Variants in SLC24A3 observed in about 807,000 individuals in gnomAD.
SLC24A3 encodes solute carrier family 24 member 3.
SLC24A3 carries 28 observed loss-of-function variants against 75.8 expected under a neutral mutation model. The observed-to-expected ratio is 0.37, with a 90% CI of 0.27 to 0.51. The LOEUF (loss-of-function observed/expected upper bound fraction) is 0.51. Ranked by LOEUF, SLC24A3 falls within the 20% of genes least tolerant of loss-of-function variation. The pLI is 0.94. For missense variants in SLC24A3, 663 were observed against 847.8 expected (o/e 0.78, Z 2.71); for synonymous variants, 372 against 334.1 (o/e 1.11, Z -1.24).
intron 2 of SLC24A3, among the ~76,000 whole-genome samples, chr20:19,349,757 A>G (rs1156616607): frequency 1.3e-5 from 2 of 152,054 alleles, no homozygotes; most frequent in Non-Finnish European, 2.9e-5. Context: ...TTCTCCTCAC[A>G]TGTATCTTTG....
intron 3 of SLC24A3, among the ~76,000 whole-genome samples, chr20:19,534,409 T>TTTTG (rs2030358592): frequency 1.9e-4 from 2 of 10,764 alleles, no homozygotes; most frequent in Non-Finnish European, 2.9e-4. Context: ...TGTTGTTGTT[T>TTTTG]TTTTGTTTTG....
At chr20:19,591,193 T>C (rs2031371716) in intron 6 of SLC24A3, among the ~76,000 whole-genome samples, 1 of 152,212 alleles carries the variant, frequency 6.6e-6, no homozygotes, top group Non-Finnish European at 1.5e-5. Context: ...CCCAGATCTC[T>C]GTGTTAGCTT....
At chr20:19,227,331 T>A (rs940769684) in intron 1 of SLC24A3, among the ~76,000 whole-genome samples, 2 of 152,260 alleles carry the variant, frequency 1.3e-5, no homozygotes, top group Admixed American at 6.5e-5. Flanking sequence ...TTTTTCTTAA[T>A]GTTTTGTAAG....
At chr20:19,510,170 G>T (rs530998986) in intron 2 of SLC24A3, among the ~76,000 whole-genome samples, 2 of 152,308 alleles carry the variant, frequency 1.3e-5, no homozygotes, top group African/African-American at 2.4e-5. Flanking sequence ...ATTCTGTGCT[G>T]CAGGGTCATC....
At chr20:19,347,035 T>C (rs1985445388) in intron 2 of SLC24A3, among the ~76,000 whole-genome samples, 1 of 152,252 alleles carries the variant, frequency 6.6e-6, no homozygotes, top group Non-Finnish European at 1.5e-5. Flanking sequence ...TATTCAGTGA[T>C]ATGAAGAAAT....
At chr20:19,306,560 T>C (rs1984335358) in intron 2 of SLC24A3, among the ~76,000 whole-genome samples, 1 of 152,182 alleles carries the variant, frequency 6.6e-6, no homozygotes, top group Admixed American at 6.5e-5. Context: ...GCAATATGAA[T>C]GGAGCTGAAG....
rs142595305 is a variant in SLC24A3 at position 19,551,333 on chromosome 20, A to G, written c.349-28667A>G. ...GGTATTCATAATGATAAGGTCTACT[A>G]TGGTATGATTATGGAGGTGAGTGAG... On this transcript the variant is annotated intron_variant, in intron 3 of 16. Coordinates refer to ENST00000328041, the MANE Select transcript of SLC24A3 (RefSeq NM_020689.4). Among the ~76,000 whole-genome samples the G allele has an allele frequency of 7.6e-4, 116 of 152,302 alleles. 1 individual carries two copies. In the East Asian group the frequency reaches 0.016, roughly 21 times the overall value.
At chr20:19,543,323 C>A (rs1471482944) in intron 3 of SLC24A3, among the ~76,000 whole-genome samples, 4 of 152,124 alleles carry the variant, frequency 2.6e-5, no homozygotes, top group Non-Finnish European at 4.4e-5. Flanking sequence ...AACCGGATAC[C>A]AGTGGTTTTT....
intron 2 of SLC24A3, among the ~76,000 whole-genome samples, chr20:19,499,149 G>A (rs371697934): frequency 1.9e-4 from 29 of 152,268 alleles, no homozygotes; most frequent in African/African-American, 7.0e-4. Flanking sequence ...ACCTGAGGCC[G>A]GTCAACGCCT....
chr20:19,274,762 G>A (rs1434769270), intron 1 of SLC24A3, among the ~76,000 whole-genome samples: 6 of 152,186 alleles, frequency 3.9e-5, no homozygotes, highest in African/African-American at 1.2e-4. Flanking sequence ...GGAGAGCAGT[G>A]CTGCTCACTC....
At chr20:19,276,296 G>T (rs899681715) in intron 1 of SLC24A3, among the ~76,000 whole-genome samples, 6 of 152,206 alleles carry the variant, frequency 3.9e-5, no homozygotes, top group African/African-American at 1.4e-4. Flanking sequence ...GACTTTAGAA[G>T]TGTCTTATTT....
chr20:19,484,297 A>AT (rs890381338), intron 2 of SLC24A3, among the ~76,000 whole-genome samples: 2 of 152,136 alleles, frequency 1.3e-5, no homozygotes, highest in African/African-American at 2.4e-5. Flanking sequence ...CCTAAAGGTT[A>AT]TTTTTTGTAA....
chr20:19,496,248 GCCGGTCTC>G (rs1211647590), intron 2 of SLC24A3, among the ~76,000 whole-genome samples: 1 of 152,190 alleles, frequency 6.6e-6, no homozygotes, highest in Non-Finnish European at 1.5e-5. Context: ...ACACCAGCCA[GCCGGTCTC>G]CATGCAGCAA....
intron 1 of SLC24A3, among the ~76,000 whole-genome samples, chr20:19,216,648 C>G (rs1981566370): frequency 6.6e-6 from 1 of 151,640 alleles, no homozygotes; most frequent in South Asian, 2.1e-4. Context: ...AAATTACACA[C>G]ACATGCATGT....
At chr20:19,452,743 TG>T (rs1341661465) in intron 2 of SLC24A3, among the ~76,000 whole-genome samples, 1 of 151,560 alleles carries the variant, frequency 6.6e-6, no homozygotes, top group Non-Finnish European at 1.5e-5. Flanking sequence ...TTGGGCCCAG[TG>T]GCTCAAAGTG....
intron 2 of SLC24A3, among the ~76,000 whole-genome samples, chr20:19,471,118 G>C (rs2122506705): frequency 6.6e-6 from 1 of 152,246 alleles, no homozygotes; most frequent in Admixed American, 6.5e-5. Context: ...TTGACGTTTT[G>C]GGGTAGAGAT....
chr20:19,519,362 G>A (rs565813806), intron 3 of SLC24A3, among the ~76,000 whole-genome samples: 1 of 152,170 alleles, frequency 6.6e-6, no homozygotes, highest in Non-Finnish European at 1.5e-5. Flanking sequence ...TTTTGTGTGT[G>A]CTTTGTGTGT....
At position 19,400,843 on chromosome 20, in the gene SLC24A3, C is replaced by T. The variant is rs1019619312; in HGVS notation, c.272-114645C>T. 3.3e-5 allele frequency among the ~76,000 whole-genome samples: 5 copies of T among 152,250 alleles called. No homozygotes were observed. The East Asian group carries it at 9.7e-4, about 29-fold the overall frequency. On this transcript the variant is annotated intron_variant, in intron 2 of 16. Coordinates refer to ENST00000328041, the MANE Select transcript of SLC24A3 (RefSeq NM_020689.4). ...TTTTGGGGATCACTGCCCTTTTGTG[C>T]CTGATATCTATTGTCTTGAAAACTG... is the stretch of plus-strand genomic sequence containing the variant.
At chr20:19,626,282 G>A (rs928033808) in intron 6 of SLC24A3, among the ~76,000 whole-genome samples, 2 of 152,158 alleles carry the variant, frequency 1.3e-5, no homozygotes, top group Non-Finnish European at 2.9e-5. Context: ...TGAGAAATCT[G>A]AGGCTCAGAT....
Sources: allele counts gnomAD v4.1 joint callset (sites outside exome capture counted in the v4.1 genomes callset), GRCh38; gene constraint gnomAD v4.1.1; transcripts MANE v1.5; gene names NCBI Gene and HGNC (gene_info 2026-07-23, HGNC 2026-07-21).